The following SNX8 variants were observed in gnomAD, a reference collection of about 807,000 sequenced individuals.
SNX8 encodes sorting nexin 8.
SNX8 carries 25 observed loss-of-function variants against 51.6 expected under a neutral mutation model. That is an observed-to-expected ratio of 0.48 (90% CI 0.35 to 0.68). SNX8 has a LOEUF of 0.68. Ranked by LOEUF, SNX8 falls within the 30% of genes least tolerant of loss-of-function variation. SNX8 has a pLI of 0.00. For synonymous variants in SNX8, 324 were observed against 277.0 expected (o/e 1.17, Z -1.68); for missense variants, 695 against 624.0 (o/e 1.11, Z -1.21).
At chr7:2,288,446 A>T (rs778194117) in intron 1 of SNX8, 1 of 166,410 alleles carries the variant, frequency 6.0e-6, no homozygotes, top group Non-Finnish European at 1.5e-5. Flanking sequence ...TCATGGATAT[A>T]TTAAATTTAC....
intron 1 of SNX8, among the ~76,000 whole-genome samples, chr7:2,278,728 C>T (rs1584693692): frequency 1.1e-5 from 1 of 91,014 alleles, no homozygotes; most frequent in African/African-American, 4.7e-5. Context: ...GAGTCGAAGC[C>T]GGACTCACTC....
intron 1 of SNX8, among the ~76,000 whole-genome samples, chr7:2,306,624 TAACTATAAAGACGC>T (rs1293208190): frequency 1.3e-5 from 2 of 152,132 alleles, no homozygotes; most frequent in African/African-American, 4.8e-5. Context: ...TGAAAGGAAC[TAACTATAAAGACGC>T]ATATTCACTA....
rs563751749 is a variant in SNX8, at chr7:2,257,890, C to T, written c.916-87G>A. 25 of 1,301,178 alleles carry T rather than the reference C, an allele frequency of 1.9e-5. No homozygotes were observed. In the East Asian group the frequency reaches 4.1e-4, roughly 22 times the overall value. The allele number at this position is 1,301,178 out of a possible 1,614,324, so 80.6% of individuals were successfully genotyped here. On this transcript the variant is annotated intron_variant, in intron 7 of 10. Transcript: ENST00000222990. The stretch of plus-strand genomic sequence containing the variant: ...ACTCAGACCCAAGCCTGGCCTGGGC[C>T]GGTTCCTTCCTCCCAGAGTCAGACG...
chr7:2,346,921 CAAAAAAAAA>C (rs758069233), intron 1 of SNX8, among the ~76,000 whole-genome samples: 24 of 49,784 alleles, frequency 4.8e-4, no homozygotes, highest in South Asian at 3.3e-3. Context: ...GACTCCGTCT[CAAAAAAAAA>C]AAAAAAAAAA....
At chr7:2,287,273 GA>G (rs1796053469) in intron 1 of SNX8, among the ~76,000 whole-genome samples, 1 of 148,504 alleles carries the variant, frequency 6.7e-6, no homozygotes, top group African/African-American at 2.5e-5. Flanking sequence ...AAAGACTGAT[GA>G]AAAAAATATT....
chr7:2,319,567 G>T (rs943859963), intron 1 of SNX8, among the ~76,000 whole-genome samples: 1 of 152,194 alleles, frequency 6.6e-6, no homozygotes, highest in Non-Finnish European at 1.5e-5. Context: ...TGTAATCCCA[G>T]CACCTTGGGA....
At chr7:2,259,029 G>A (rs1295267901) in intron 7 of SNX8, among the ~76,000 whole-genome samples, 1 of 152,174 alleles carries the variant, frequency 6.6e-6, no homozygotes, top group Non-Finnish European at 1.5e-5. Flanking sequence ...TGGGGGCGCA[G>A]GCCAGGCACA....
chr7:2,304,861 G>A (rs539207109), intron 1 of SNX8, among the ~76,000 whole-genome samples: 3 of 152,272 alleles, frequency 2.0e-5, no homozygotes, highest in African/African-American at 4.8e-5. Context: ...TGAAAGACAG[G>A]TCCACCCCCA....
At chr7:2,306,723 TG>T (rs1796552448) in intron 1 of SNX8, among the ~76,000 whole-genome samples, 1 of 151,902 alleles carries the variant, frequency 6.6e-6, no homozygotes, top group Admixed American at 6.6e-5. Context: ...TTAAAAGGGG[TG>T]GAACTACAGG....
intron 1 of SNX8, among the ~76,000 whole-genome samples, chr7:2,327,841 C>T (rs956765359): frequency 4.6e-5 from 7 of 152,192 alleles, no homozygotes; most frequent in African/African-American, 1.4e-4. Context: ...CCGCGCCTGG[C>T]CAGCATTTTC....
intron 1 of SNX8, among the ~76,000 whole-genome samples, chr7:2,342,141 T>G (rs1778938868): frequency 6.6e-6 from 1 of 151,556 alleles, no homozygotes. Flanking sequence ...ATCTCACCAC[T>G]GCACTCCAGC....
chr7:2,352,717 T>A (rs113299434), intron 1 of SNX8, among the ~76,000 whole-genome samples: 130 of 152,152 alleles, frequency 8.5e-4, no homozygotes, highest in African/African-American at 2.9e-3. Flanking sequence ...GCACCTGTAT[T>A]CCCAGCTACT....
At chr7:2,303,624 GC>G (rs1796467238) in intron 1 of SNX8, among the ~76,000 whole-genome samples, 1 of 152,222 alleles carries the variant, frequency 6.6e-6, no homozygotes, top group East Asian at 1.9e-4. Context: ...AAATTCTTCT[GC>G]CTTGGGATCC....
intron 1 of SNX8, among the ~76,000 whole-genome samples, chr7:2,305,741 C>G (rs1160977094): frequency 6.6e-6 from 1 of 151,788 alleles, no homozygotes; most frequent in Non-Finnish European, 1.5e-5. Flanking sequence ...AACACTCGAA[C>G]AAAATTATTT....
At chr7:2,308,687 A>T (rs36076158) in intron 1 of SNX8, among the ~76,000 whole-genome samples, 3 of 141,016 alleles carry the variant, frequency 2.1e-5, no homozygotes, top group South Asian at 2.2e-4. Flanking sequence ...AAAAAAAAAA[A>T]GGGTCATGGA....
At chr7:2,306,742 T>C (rs1796552708) in intron 1 of SNX8, among the ~76,000 whole-genome samples, 1 of 152,172 alleles carries the variant, frequency 6.6e-6, no homozygotes, top group African/African-American at 2.4e-5. Flanking sequence ...AGGTGATTTG[T>C]CTATGAAATT....
rs12534131 is a variant in SNX8 at position 2,254,488 on chromosome 7, C to T, written c.*568G>A. 0.28 allele frequency: 45,425 copies of T among 164,120 alleles called. 7,857 individuals carry two copies. Among genetic ancestry groups the T allele is most frequent in the East Asian group, 0.51 (2,742 of 5,326 alleles). The allele number at this position is 164,120 out of a possible 1,614,324, so 10.2% of individuals were successfully genotyped here. ...CACAGGGCATGAGGCCACTGGACCC[C>T]ACAGGCCACTCCCAGACCAGGGCTC... On this transcript the variant is annotated 3_prime_UTR_variant, in exon 11 of 11. Coordinates refer to ENST00000222990, the MANE Select transcript of SNX8 (RefSeq NM_013321.4).
chr7:2,329,307 T>A (rs1778687327), intron 1 of SNX8, among the ~76,000 whole-genome samples: 1 of 151,042 alleles, frequency 6.6e-6, no homozygotes, highest in Non-Finnish European at 1.5e-5. Context: ...AAAAAATAAA[T>A]AAATAAAAAT....
intron 1 of SNX8, among the ~76,000 whole-genome samples, chr7:2,297,674 G>A (rs1796303595): frequency 6.6e-6 from 1 of 150,400 alleles, no homozygotes; most frequent in Non-Finnish European, 1.5e-5. Flanking sequence ...TGCAGAAAAT[G>A]TGGTTCATAT....
Sources: gnomAD v4.1 joint callset for allele counts (sites outside exome capture counted in the v4.1 genomes callset) on GRCh38, gnomAD v4.1.1 for gene constraint, MANE v1.5 for transcripts, NCBI Gene and HGNC (gene_info 2026-07-23, HGNC 2026-07-21) for gene names.